The following GABRB1 variants were observed in gnomAD, a reference collection of about 807,000 sequenced individuals.
The protein encoded by GABRB1 is gamma-aminobutyric acid receptor subunit beta-1.
In GABRB1, 17 loss-of-function variants were observed where a neutral mutation model predicts 51.6. The observed-to-expected ratio is 0.33, with a 90% confidence interval of 0.23 to 0.49. The LOEUF (loss-of-function observed/expected upper bound fraction) is 0.49. Ranked by LOEUF, GABRB1 falls within the 20% of genes least tolerant of loss-of-function variation. The probability of loss-of-function intolerance (pLI) is 0.99; values close to 1 mark genes in which losing one functional copy is unlikely to be tolerated. For missense variants in GABRB1, 410 were observed against 600.6 expected (o/e 0.68, Z 3.32); for synonymous variants, 247 against 218.9 (o/e 1.13, Z -1.14).
intron 4 of GABRB1, among the ~76,000 whole-genome samples, chr4:47,163,786 T>C (rs556526949): frequency 6.6e-6 from 1 of 152,108 alleles, no homozygotes; most frequent in Admixed American, 6.6e-5. Context: ...AGTAAGCCAT[T>C]TCACCTCCCT....
intron 4 of GABRB1, among the ~76,000 whole-genome samples, chr4:47,204,556 T>C (rs1248093604): frequency 6.6e-6 from 1 of 152,054 alleles, no homozygotes; most frequent in Non-Finnish European, 1.5e-5. Flanking sequence ...CACCCAAATC[T>C]CATCTTGAAT....
At chr4:47,288,129 A>G (rs1259640408) in intron 4 of GABRB1, among the ~76,000 whole-genome samples, 1 of 152,148 alleles carries the variant, frequency 6.6e-6, no homozygotes, top group Non-Finnish European at 1.5e-5. Flanking sequence ...GTAGATAGGC[A>G]ATAAATCAGC....
chr4:47,122,391 A>G (rs889951723), intron 3 of GABRB1, among the ~76,000 whole-genome samples: 3 of 152,164 alleles, frequency 2.0e-5, no homozygotes, highest in African/African-American at 7.2e-5. Context: ...TTAAGGTCCA[A>G]TAAGAAGACA....
At chr4:47,259,827 T>A (rs1279408403) in intron 4 of GABRB1, among the ~76,000 whole-genome samples, 1 of 152,158 alleles carries the variant, frequency 6.6e-6, no homozygotes, top group Non-Finnish European at 1.5e-5. Flanking sequence ...CAACCCTAGC[T>A]TTTACCAAAC....
chr4:47,107,873 G>C (rs955704623), intron 3 of GABRB1, among the ~76,000 whole-genome samples: 14 of 151,986 alleles, frequency 9.2e-5, no homozygotes. Flanking sequence ...CTTTTAGATA[G>C]TATCACTTAA....
At chr4:47,371,229 C>CT (rs1727180733) in intron 5 of GABRB1, among the ~76,000 whole-genome samples, 1 of 152,138 alleles carries the variant, frequency 6.6e-6, no homozygotes, top group South Asian at 2.1e-4. Flanking sequence ...AGGATAACGG[C>CT]TTCCAGTCTC....
intron 8 of GABRB1, among the ~76,000 whole-genome samples, chr4:47,417,838 C>A (rs539203336): frequency 6.6e-6 from 1 of 152,160 alleles, no homozygotes; most frequent in Non-Finnish European, 1.5e-5. Flanking sequence ...GCTTTAAAAC[C>A]GCCACTGAAA....
chr4:47,169,504 CTT>C (rs33940206), intron 4 of GABRB1, among the ~76,000 whole-genome samples: 18 of 143,602 alleles, frequency 1.3e-4, no homozygotes, highest in East Asian at 6.1e-4. Flanking sequence ...GTGGAAGGCA[CTT>C]TTTTTTTTTT....
chr4:47,303,045 T>G (rs1724321396), intron 4 of GABRB1, among the ~76,000 whole-genome samples: 1 of 151,914 alleles, frequency 6.6e-6, no homozygotes, highest in African/African-American at 2.4e-5. Context: ...TTTAGGGGTT[T>G]GTTTTGTTGT....
chr4:47,081,100 A>G (rs1307733712), intron 3 of GABRB1, among the ~76,000 whole-genome samples: 6 of 152,236 alleles, frequency 3.9e-5, no homozygotes, highest in Admixed American at 3.9e-4. Context: ...CATGTTGTGA[A>G]TTAAAAATAA....
chr4:47,172,460 G>T (rs1341731668), intron 4 of GABRB1, among the ~76,000 whole-genome samples: 1 of 152,092 alleles, frequency 6.6e-6, no homozygotes, highest in African/African-American at 2.4e-5. Flanking sequence ...AATAGGCTTT[G>T]CCTAAATAAC....
At chr4:47,265,133 T>C (rs1164638193) in intron 4 of GABRB1, among the ~76,000 whole-genome samples, 1 of 152,134 alleles carries the variant, frequency 6.6e-6, no homozygotes, top group African/African-American at 2.4e-5. Context: ...GTAACCAATA[T>C]CTATTATTCC....
intron 4 of GABRB1, among the ~76,000 whole-genome samples, chr4:47,289,371 G>A (rs1049497079): frequency 2.0e-5 from 3 of 152,284 alleles, no homozygotes; most frequent in South Asian, 2.1e-4. Flanking sequence ...CATCATAGTT[G>A]TAGTCAAACC....
intron 1 of GABRB1, among the ~76,000 whole-genome samples, chr4:47,016,560 ATTATTTAT>A (rs559278924): frequency 2.0e-5 from 3 of 151,572 alleles, no homozygotes; most frequent in Non-Finnish European, 2.9e-5. Context: ...ATCTGTGCAG[ATTATTTAT>A]TTATTTATTT....
chr4:47,129,866 A>G (rs1306396481), intron 3 of GABRB1, among the ~76,000 whole-genome samples: 4 of 152,236 alleles, frequency 2.6e-5, no homozygotes, highest in African/African-American at 9.6e-5. Flanking sequence ...ATGTCAGTAG[A>G]GAAGAAAAGC....
intron 5 of GABRB1, among the ~76,000 whole-genome samples, chr4:47,359,176 TG>T (rs1726707671): frequency 6.6e-6 from 1 of 152,182 alleles, no homozygotes; most frequent in Admixed American, 6.6e-5. Context: ...CAAGTACTGA[TG>T]GCTTTTGGCT....
At chr4:47,165,002 A>G (rs555331395) in intron 4 of GABRB1, among the ~76,000 whole-genome samples, 44 of 152,212 alleles carry the variant, frequency 2.9e-4, no homozygotes, top group African/African-American at 1.0e-3. Context: ...TTAGGTGGGG[A>G]ATCTAAATAA....
intron 4 of GABRB1, among the ~76,000 whole-genome samples, chr4:47,264,258 G>A (rs997101687): frequency 3.3e-5 from 5 of 152,146 alleles, no homozygotes; most frequent in Admixed American, 6.6e-5. Context: ...TTCCTACAAT[G>A]TTTGCAACCC....
chr4:47,331,985 C>G (rs902149206), intron 5 of GABRB1, among the ~76,000 whole-genome samples: 1 of 152,166 alleles, frequency 6.6e-6, no homozygotes, highest in African/African-American at 2.4e-5. Flanking sequence ...TTTTCTCTGG[C>G]TTCCCCACTA....
Sources: allele counts gnomAD v4.1 joint callset (sites outside exome capture counted in the v4.1 genomes callset), GRCh38; gene constraint gnomAD v4.1.1; transcripts MANE v1.5; gene names NCBI Gene and HGNC (gene_info 2026-07-23, HGNC 2026-07-21).